The following ESRRG variants were observed in gnomAD, a reference collection of about 807,000 sequenced individuals.
ESRRG encodes the protein estrogen-related receptor gamma.
ESRRG carries 13 observed loss-of-function variants against 44.0 expected under a neutral mutation model. The observed-to-expected ratio is 0.30, with a 90% CI of 0.19 to 0.47. The LOEUF is 0.47. Ranked by LOEUF, ESRRG falls within the 20% of genes least tolerant of loss-of-function variation. The pLI is 1.00. For missense variants in ESRRG, 395 were observed against 580.6 expected (o/e 0.68, Z 3.29); for synonymous variants, 215 against 214.6 (o/e 1.00, Z -0.02).
chr1:217,085,874 T>C (rs546711560), intron 1 of ESRRG, among the ~76,000 whole-genome samples: 4 of 152,102 alleles, frequency 2.6e-5, no homozygotes, highest in Admixed American at 1.3e-4. Context: ...AACTTACTTA[T>C]AATTCTTTGC....
chr1:216,810,208 A>T (rs1385846597), intron 2 of ESRRG, among the ~76,000 whole-genome samples: 1 of 152,126 alleles, frequency 6.6e-6, no homozygotes, highest in Non-Finnish European at 1.5e-5. Flanking sequence ...CCTGCACCAG[A>T]CACTTCAAGA....
intron 1 of ESRRG, among the ~76,000 whole-genome samples, chr1:216,999,145 C>T (rs1041475722): frequency 3.9e-5 from 6 of 152,090 alleles, no homozygotes; most frequent in Admixed American, 2.0e-4. Flanking sequence ...GACTGCATGC[C>T]CAGCCCCAAT....
chr1:216,856,581 C>T (rs1356996763), intron 2 of ESRRG, among the ~76,000 whole-genome samples: 1 of 152,164 alleles, frequency 6.6e-6, no homozygotes, highest in Non-Finnish European at 1.5e-5. Flanking sequence ...GAAGCACACA[C>T]AAGTAAAACT....
At chr1:216,682,440 GT>G (rs1210100329) in intron 1 of ESRRG, among the ~76,000 whole-genome samples, 2 of 152,146 alleles carry the variant, frequency 1.3e-5, no homozygotes, top group African/African-American at 2.4e-5. Flanking sequence ...TATTTCCAAT[GT>G]TTTTGTATAA....
At chr1:216,982,990 C>A (rs966906089) in intron 1 of ESRRG, among the ~76,000 whole-genome samples, 2 of 150,136 alleles carry the variant, frequency 1.3e-5, no homozygotes, top group African/African-American at 4.9e-5. Context: ...GGAGTCAGAC[C>A]ATCTGAATTT....
chr1:216,869,788 T>C (rs1462879462), intron 2 of ESRRG, among the ~76,000 whole-genome samples: 1 of 152,036 alleles, frequency 6.6e-6, no homozygotes, highest in Non-Finnish European at 1.5e-5. Flanking sequence ...TGTATAACTA[T>C]ATATTTCATT....
rs1224128563 is a variant in ESRRG, at chr1:217,135,029, C to G, written c.-230+2638G>C. ...CTTCCTCTCCTTTCCCCGCTTTCCGCCCAGGGCGGTTCTGAGATTTTGATT... is the reference window on the plus strand; with the variant it reads ...CTTCCTCTCCTTTCCCCGCTTTCCGGCCAGGGCGGTTCTGAGATTTTGATT... On this transcript the variant is annotated intron_variant, in intron 1 of 8. Coordinates refer to the ESRRG transcript ENST00000366940. Among the ~76,000 whole-genome samples the G allele has an allele frequency of 2.0e-5, 3 of 152,208 alleles. 1 individual carries two copies. The highest frequency in any genetic ancestry group is 4.4e-5 in the Non-Finnish European group (3 of 68,034).
At chr1:217,006,765 A>G (rs569017846) in intron 1 of ESRRG, among the ~76,000 whole-genome samples, 11 of 152,202 alleles carry the variant, frequency 7.2e-5, no homozygotes, top group African/African-American at 2.2e-4. Flanking sequence ...ACTGAAACCC[A>G]TTACATGAGG....
chr1:216,540,908 T>A (rs1456713913), intron 5 of ESRRG, among the ~76,000 whole-genome samples: 1 of 152,028 alleles, frequency 6.6e-6, no homozygotes, highest in Non-Finnish European at 1.5e-5. Flanking sequence ...TTTGCTTTTT[T>A]AGTCCTTCTG....
chr1:216,723,952 G>A (rs117079810), upstream of ESRRG, among the ~76,000 whole-genome samples: 245 of 152,094 alleles, frequency 1.6e-3, 2 homozygotes, highest in East Asian at 0.014. Context: ...CGGGGGCCGC[G>A]GCTTATTTGG....
At chr1:216,818,827 A>G (rs2095223212) in intron 2 of ESRRG, among the ~76,000 whole-genome samples, 2 of 152,008 alleles carry the variant, frequency 1.3e-5, no homozygotes, top group Non-Finnish European at 2.9e-5. Context: ...ATGTGTTCTC[A>G]TCACTCAGCT....
At position 217,015,337 on chromosome 1, in the gene ESRRG, G is replaced by A. The variant is rs1422086636; in HGVS notation, c.-106+74170C>T. Among the ~76,000 whole-genome samples the A allele has an allele frequency of 1.3e-5, 2 of 152,112 alleles. 1 individual carries two copies. Among genetic ancestry groups the A allele is most frequent in the Admixed American group, 1.3e-4 (2 of 15,260 alleles). ...AAGGGCCATCATCCAGACACTGCTG[G>A]AAAAGCAAAATTTCACCTTAATAAT... On this transcript the variant is annotated intron_variant, in intron 1 of 7. Transcript: ENST00000359162.
At chr1:216,529,805 G>T (rs965404915) in intron 5 of ESRRG, among the ~76,000 whole-genome samples, 3 of 152,042 alleles carry the variant, frequency 2.0e-5, no homozygotes, top group African/African-American at 7.2e-5. Flanking sequence ...ACAATTAAAA[G>T]AAATTTATAA....
chr1:216,529,019 T>G (rs2048496521), intron 5 of ESRRG, among the ~76,000 whole-genome samples: 1 of 152,162 alleles, frequency 6.6e-6, no homozygotes, highest in Non-Finnish European at 1.5e-5. Context: ...TTTCACTGTG[T>G]CTTTACACAC....
intron 2 of ESRRG, among the ~76,000 whole-genome samples, chr1:216,851,815 A>G (rs1474228678): frequency 1.3e-5 from 2 of 152,206 alleles, no homozygotes; most frequent in Non-Finnish European, 2.9e-5. Flanking sequence ...AACATTATAG[A>G]AATAAACAAG....
intron 2 of ESRRG, among the ~76,000 whole-genome samples, chr1:216,873,706 A>G (rs1247802066): frequency 6.6e-6 from 1 of 151,116 alleles, no homozygotes; most frequent in South Asian, 2.1e-4. Context: ...ACAGAGAGGG[A>G]AAGTAACATT....
At position 216,740,618 on chromosome 1, in the gene ESRRG, C is replaced by T. The variant is rs1032224381; in HGVS notation, c.-13-63127G>A. On this transcript the variant is annotated intron_variant, in intron 2 of 7. Coordinates refer to the ESRRG transcript ENST00000359162. ...GAGATTTCTAAGCCCTGCAAAGGAA[C>T]GTGCTTAACATTAAAAAAAAAAAGA... is the stretch of plus-strand genomic sequence containing the variant. 1.1e-4 allele frequency among the ~76,000 whole-genome samples: 16 copies of T among 148,206 alleles called. No individual in the cohort carries two copies. The East Asian group carries it at 2.8e-3, about 26-fold the overall frequency.
intron 3 of ESRRG, among the ~76,000 whole-genome samples, chr1:216,601,992 T>C (rs1005097548): frequency 1.3e-5 from 2 of 152,192 alleles, no homozygotes; most frequent in African/African-American, 4.8e-5. Context: ...AGGCTTAAAA[T>C]GGTTGAATGA....
chr1:217,058,810 T>C (rs1371265003), intron 1 of ESRRG, among the ~76,000 whole-genome samples: 1 of 151,406 alleles, frequency 6.6e-6, no homozygotes, highest in African/African-American at 2.4e-5. Flanking sequence ...AGAGGCTAAA[T>C]AAAACTCGGT....
Sources: gnomAD v4.1 joint callset for allele counts (sites outside exome capture counted in the v4.1 genomes callset) on GRCh38, gnomAD v4.1.1 for gene constraint, MANE v1.5 for transcripts, NCBI Gene and HGNC (gene_info 2026-07-23, HGNC 2026-07-21) for gene names.